Variants in DMXL1 observed in about 807,000 individuals in gnomAD.
The protein encoded by DMXL1 is Dmx like 1, also known as dmX-like protein 1.
Under a neutral mutation model 319.2 loss-of-function variants are expected in DMXL1, and 99 were observed. The observed-to-expected ratio is 0.31, with a 90% CI of 0.26 to 0.37. The LOEUF is 0.37. Among genes scored for constraint, DMXL1 ranks in the 10% least tolerant of loss-of-function variants. DMXL1 has a pLI of 1.00. For synonymous variants in DMXL1, 1,385 were observed against 1,235.2 expected, an observed-to-expected ratio of 1.12 and a Z score of -2.54; for missense variants, 3,745 against 3,595.6, an observed-to-expected ratio of 1.04 and a Z score of -1.06.
At chr5:119,212,805 C>T (rs762156344) in intron 34 of DMXL1, among the ~76,000 whole-genome samples, 4 of 151,996 alleles carry the variant, frequency 2.6e-5, no homozygotes, top group Non-Finnish European at 5.9e-5. Flanking sequence ...AATAAAATTA[C>T]ATTCATAGCA....
At chr5:119,239,105 A>G in intron 41 of DMXL1, 25 bp downstream of exon 41, 2 of 1,609,778 alleles carry the variant, frequency 1.2e-6, no homozygotes, top group South Asian at 1.1e-5. Flanking sequence ...CTAAAATTGA[A>G]GTATGAGAAA....
In DMXL1 at chr5:119,147,249, A is replaced by G. The variant is rs1273432925; in HGVS notation, c.2690A>G (p.Asp897Gly). The part of the protein sequence containing the change: ...LHLKSIPVSL[D>G]EKVDTKLSEA... ...TTGGTTCTTTTCTTATGTTTTGTAG[A>G]TGAAAAAGTAGATACAAAATTATCC... Residue 897 changes from aspartate to glycine, a missense_variant and splice_region_variant, in exon 17 of 44, where the codon GAT becomes GGT. This residue lies in a region of DMXL1 where 2,096 missense variants were observed against 1,985.4 expected (regional missense o/e 1.06). Transcript: ENST00000539542. The G allele has an allele frequency of 1.9e-6, 3 of 1,610,146 alleles. No individual in the cohort carries two copies. Among genetic ancestry groups the G allele is most frequent in the Admixed American group, 1.7e-5 (1 of 59,568 alleles).
chr5:119,091,150 TG>T (rs1036971807), intron 1 of DMXL1, among the ~76,000 whole-genome samples: 1 of 152,108 alleles, frequency 6.6e-6, no homozygotes, highest in African/African-American at 2.4e-5. Flanking sequence ...GCCTACTGGT[TG>T]GGGTCAGGTT....
intron 6 of DMXL1, among the ~76,000 whole-genome samples, chr5:119,115,474 C>T (rs889185542): frequency 1.3e-5 from 2 of 152,168 alleles, no homozygotes; most frequent in African/African-American, 4.8e-5. Context: ...TTATTGTTCT[C>T]ATGGCTCAAA....
chr5:119,094,759 C>G (rs1288429164), intron 1 of DMXL1, among the ~76,000 whole-genome samples: 1 of 151,732 alleles, frequency 6.6e-6, no homozygotes, highest in Non-Finnish European at 1.5e-5. Context: ...TCAACATTAC[C>G]AAGAGTATGG....
chr5:119,219,161 G>A (rs1017596030), intron 35 of DMXL1, among the ~76,000 whole-genome samples: 6 of 152,128 alleles, frequency 3.9e-5, no homozygotes, highest in Admixed American at 1.3e-4. Flanking sequence ...AGAGAATGAC[G>A]GGAAGAGGGC....
intron 41 of DMXL1, among the ~76,000 whole-genome samples, chr5:119,239,521 G>T (rs1262287674): frequency 6.6e-6 from 1 of 152,182 alleles, no homozygotes; most frequent in Non-Finnish European, 1.5e-5. Flanking sequence ...TCCTGTTAAT[G>T]TATGTCAGTC....
At chr5:119,089,527 C>G (rs1480595020) in intron 1 of DMXL1, among the ~76,000 whole-genome samples, 1 of 149,922 alleles carries the variant, frequency 6.7e-6, no homozygotes, top group Non-Finnish European at 1.5e-5. Flanking sequence ...AGGCTGGTCT[C>G]AAACTCCTGG....
intron 35 of DMXL1, among the ~76,000 whole-genome samples, chr5:119,219,831 G>A (rs1469315691): frequency 6.6e-6 from 1 of 152,062 alleles, no homozygotes. Flanking sequence ...GCCTCCTAAA[G>A]TGCTAGGATT....
At chr5:119,231,517 C>T (rs1416880266) in intron 38 of DMXL1, among the ~76,000 whole-genome samples, 1 of 152,170 alleles carries the variant, frequency 6.6e-6, no homozygotes, top group Non-Finnish European at 1.5e-5. Flanking sequence ...AAGGGGCCTA[C>T]CAGGAGGTAA....
At chr5:119,143,267 T>C (rs928354300) in intron 13 of DMXL1, among the ~76,000 whole-genome samples, 2 of 151,402 alleles carry the variant, frequency 1.3e-5, no homozygotes, top group African/African-American at 4.9e-5. Context: ...AAAAGTAGGG[T>C]GGAAATACAA....
rs1785917711 is a variant in DMXL1, at chr5:119,228,014, G to T, written c.8338+3245G>T. Among the ~76,000 whole-genome samples, 5 of 152,094 alleles carry T rather than the reference G, an allele frequency of 3.3e-5. No homozygotes were observed. In the South Asian group the frequency reaches 1.0e-3, roughly 32 times the overall value. ...AAAGAAAAAAGTTTTCTTAAATCTGGAAAACAAAATAAAGACCTAGCAATG... is the reference window on the plus strand; with the variant it reads ...AAAGAAAAAAGTTTTCTTAAATCTGTAAAACAAAATAAAGACCTAGCAATG... On this transcript the variant is annotated intron_variant, in intron 38 of 43. Coordinates refer to ENST00000539542, the MANE Select transcript of DMXL1 (RefSeq NM_001290321.3).
At chr5:119,175,916 G>T (rs1224511341) in intron 26 of DMXL1, among the ~76,000 whole-genome samples, 1 of 151,910 alleles carries the variant, frequency 6.6e-6, no homozygotes, top group African/African-American at 2.4e-5. Flanking sequence ...TTAGTTGTTT[G>T]AAGTACTCTA....
chr5:119,121,095 C>A lies in DMXL1; in HGVS notation c.1058C>A (p.Ala353Glu). The A allele has an allele frequency of 6.2e-7, 1 of 1,609,604 alleles. No individual in the cohort carries two copies. The highest frequency in any genetic ancestry group is 8.5e-7 in the Non-Finnish European group (1 of 1,178,798). The change falls in exon 9 of 44, where the codon GCA becomes GAA. Residue 353 changes from alanine (A) to glutamate (E), a missense_variant. By Grantham distance (107) the Ala-to-Glu change is moderately radical (BLOSUM62 -1). Coordinates refer to ENST00000539542, the MANE Select transcript of DMXL1 (RefSeq NM_001290321.3). ...AGGAACACTCCACTGCATGCCAATGCACTTTGCCACTTTCATATTGCAGCC... is the reference window on the plus strand; with the variant it reads ...AGGAACACTCCACTGCATGCCAATGAACTTTGCCACTTTCATATTGCAGCC... ...VHRNTPLHAN[A>E]LCHFHIAASI...
chr5:119,122,240 C>T (rs1397471924), intron 9 of DMXL1, among the ~76,000 whole-genome samples: 35 of 134,040 alleles, frequency 2.6e-4, no homozygotes, highest in South Asian at 7.5e-4. Flanking sequence ...ACCTCCCGGA[C>T]GGGGCGGCTG....
intron 33 of DMXL1, among the ~76,000 whole-genome samples, chr5:119,205,287 A>G (rs1250767912): frequency 1.3e-5 from 2 of 152,192 alleles, no homozygotes; most frequent in Non-Finnish European, 2.9e-5. Context: ...TAGATTGTCT[A>G]GTTGATTCAG....
At position 119,216,997 on chromosome 5, in the gene DMXL1, T is replaced by C. The variant is rs1015379161; in HGVS notation, c.8013+10T>C. ...GTTTGCTGTTAATAAGGTAAGTACA[T>C]AGACATTCTTCTTTTGTTTATTAAG... On this transcript the variant is annotated intron_variant, in intron 35 of 43. Transcript: ENST00000539542. 28 of 1,405,790 alleles carry C rather than the reference T, an allele frequency of 2.0e-5. No homozygotes were observed. The highest frequency in any genetic ancestry group is 5.8e-5 in the African/African-American group (4 of 68,624). The allele number at this position is 1,405,790 out of a possible 1,614,324, so 87.1% of individuals were successfully genotyped here.
intron 40 of DMXL1, among the ~76,000 whole-genome samples, chr5:119,238,595 A>G (rs1788178258): frequency 6.6e-6 from 1 of 152,196 alleles, no homozygotes; most frequent in Non-Finnish European, 1.5e-5. Flanking sequence ...AGAAATTTTC[A>G]CTATGCTAGG....
intron 38 of DMXL1, among the ~76,000 whole-genome samples, chr5:119,229,174 A>G (rs1329659644): frequency 1.3e-5 from 2 of 150,758 alleles, no homozygotes; most frequent in East Asian, 1.9e-4. Flanking sequence ...AAAAAAAAAG[A>G]CAAAAAAACA....
Sources: gnomAD v4.1 joint callset for allele counts (sites outside exome capture counted in the v4.1 genomes callset) on GRCh38, gnomAD v4.1.1 for gene constraint, gnomAD v4.1.1 regional missense constraint, MANE v1.5 for transcripts, NCBI Gene and HGNC (gene_info 2026-07-23, HGNC 2026-07-21) for gene names.